RNF4: variants seen among roughly 807,000 people sequenced by gnomAD.
RNF4 encodes E3 ubiquitin-protein ligase RNF4.
Under a neutral mutation model 24.3 loss-of-function variants are expected in RNF4, and 7 were observed. The ratio of observed to expected loss-of-function variants is 0.29; its 90% CI spans 0.16 to 0.54. RNF4 has a LOEUF of 0.54. Ranked by LOEUF, RNF4 falls within the 20% of genes least tolerant of loss-of-function variation. The pLI is 0.95. For missense variants in RNF4, 209 were observed against 248.5 expected (o/e 0.84, Z 1.07); for synonymous variants, 83 against 84.3 (o/e 0.98, Z 0.09).
At chr4:2,470,410 A>T (rs946708496) in intron 1 of RNF4, among the ~76,000 whole-genome samples, 17 of 152,300 alleles carry the variant, frequency 1.1e-4, no homozygotes, top group African/African-American at 3.6e-4. Flanking sequence ...GTTCAGTTTT[A>T]TCTGTGAGTT....
chr4:2,489,184 C>T lies in RNF4; in HGVS notation c.-157-1153C>T, dbSNP rs148055258. 1.9e-3 allele frequency among the ~76,000 whole-genome samples: 282 copies of T among 152,318 alleles called. 1 individual carries two copies. Among genetic ancestry groups the T allele is most frequent in the African/African-American group, 6.5e-3 (269 of 41,572 alleles). ...TAATTGCAGTGCCAGCCTGGCTCCA[C>T]ACACCATGCTTAGGAGTTAGGCCTT... On this transcript the variant is annotated intron_variant, in intron 1 of 7. Transcript: ENST00000314289.
chr4:2,478,611 G>A (rs1189132454), intron 1 of RNF4, among the ~76,000 whole-genome samples: 1 of 152,248 alleles, frequency 6.6e-6, no homozygotes, highest in East Asian at 1.9e-4. Context: ...GAAGGTGCAG[G>A]CCCCAAACCT....
At chr4:2,474,254 T>C (rs1045170639) in intron 1 of RNF4, among the ~76,000 whole-genome samples, 5 of 148,006 alleles carry the variant, frequency 3.4e-5, no homozygotes, top group Admixed American at 6.7e-5. Flanking sequence ...GGCACGCACC[T>C]GTAATCGCAG....
chr4:2,511,868 C>T, intron 4 of RNF4, 88 bp from the exon 5 acceptor site: 4 of 1,355,278 alleles, frequency 3.0e-6, no homozygotes, highest in Middle Eastern at 1.8e-4. Context: ...GAGGGTGTCA[C>T]ACGTCAGAAA....
At position 2,512,361 on chromosome 4, in the gene RNF4, A is replaced by G; in HGVS notation, c.215-77A>G. 2.0e-6 allele frequency: 3 copies of G among 1,507,408 alleles called. No individual in the cohort carries two copies. The highest frequency in any genetic ancestry group is 2.7e-6 in the Non-Finnish European group (3 of 1,107,424). 93.4% of individuals were successfully genotyped at this position (1,507,408 alleles called of 1,614,324 possible). ...CAGGCAGGGAAGGAAGAGGGTCTTA[A>G]GAGGCGTCAGGATGGGAGTGGTGAG... On this transcript the variant is annotated intron_variant, in intron 5 of 7. Transcript: ENST00000314289. This position sits in a 1 kb window ranked among gnomAD's most constrained non-coding sequence, Gnocchi z 4.1.
At chr4:2,476,550 G>A (rs149571779) in intron 1 of RNF4, among the ~76,000 whole-genome samples, 1,674 of 152,068 alleles carry the variant, frequency 0.011, 28 homozygotes, top group African/African-American at 0.039. Flanking sequence ...GTGCCACCAC[G>A]GCTGGCTAAT....
chr4:2,505,362 G>A (rs1273349330), intron 4 of RNF4: 1 of 143,636 alleles, frequency 7.0e-6, no homozygotes, highest in East Asian at 2.0e-4. Flanking sequence ...GTCTCGCTCT[G>A]TTGCCCAAGC....
chr4:2,475,056 C>T (rs1253630886), intron 1 of RNF4, among the ~76,000 whole-genome samples: 2 of 152,166 alleles, frequency 1.3e-5, no homozygotes, highest in Non-Finnish European at 2.9e-5. Flanking sequence ...ACTGTCACAG[C>T]TGCCCCAACC....
chr4:2,471,819 A>C (rs1221326467), intron 1 of RNF4, among the ~76,000 whole-genome samples: 1 of 152,236 alleles, frequency 6.6e-6, no homozygotes, highest in Non-Finnish European at 1.5e-5. Context: ...GTGAAGAGTG[A>C]GGAAGCTGCA....
chr4:2,507,347 A>G (rs1447305715), intron 4 of RNF4, among the ~76,000 whole-genome samples: 4 of 152,206 alleles, frequency 2.6e-5, no homozygotes, highest in Admixed American at 2.6e-4. Flanking sequence ...CAAACATCAT[A>G]TCCAGGAATT....
At chr4:2,469,434 C>T (rs1221969718) in intron 1 of RNF4, 176 bp downstream of exon 1, 1 of 152,212 alleles carries the variant, frequency 6.6e-6, no homozygotes, top group Non-Finnish European at 1.5e-5. Flanking sequence ...CGCACCGAGC[C>T]CGGCTTGGCG....
intron 4 of RNF4, among the ~76,000 whole-genome samples, chr4:2,508,408 G>A (rs1439266905): frequency 6.6e-6 from 1 of 152,112 alleles, no homozygotes; most frequent in African/African-American, 2.4e-5. Flanking sequence ...CACCTGCAGG[G>A]CCATAGCTGT....
At position 2,510,480 on chromosome 4, in the gene RNF4, C is replaced by T. The variant is rs573675988; in HGVS notation, c.205-1476C>T. Among the ~76,000 whole-genome samples the T allele has an allele frequency of 1.0e-3, 155 of 152,332 alleles. 5 individuals are homozygous for T. The South Asian group carries it at 0.03, about 30-fold the overall frequency. Reference sequence around the variant, plus strand: ...GCCTGGGCTCAAGACATAGCAGCCTCTGCCAGAAGTGTTTCTTCAGGATGC... The same window carrying T: ...GCCTGGGCTCAAGACATAGCAGCCTTTGCCAGAAGTGTTTCTTCAGGATGC... On this transcript the variant is annotated intron_variant, in intron 4 of 7. Transcript: ENST00000314289.
At chr4:2,490,552 A>G (rs747526963) in intron 2 of RNF4, 50 bp downstream of exon 2, 84 of 1,573,422 alleles carry the variant, frequency 5.3e-5, no homozygotes, top group Middle Eastern at 3.3e-4. Flanking sequence ...CTAATTAACT[A>G]CCTTATTCCT....
rs71608205 is a variant in RNF4 at position 2,515,176 on chromosome 4, C to T, written c.*1357C>T. On this transcript the variant is annotated 3_prime_UTR_variant, in exon 8 of 8. Transcript: ENST00000314289. Reference sequence around the variant, plus strand: ...CTTTTCGTGTGAAACATCTTCAGGGCGGGAAAGGGGCCACTTCTGGCTTTG... The same window carrying T: ...CTTTTCGTGTGAAACATCTTCAGGGTGGGAAAGGGGCCACTTCTGGCTTTG... 2,166 of 152,740 alleles carry T rather than the reference C, an allele frequency of 0.014. 22 individuals are homozygous for T. Among genetic ancestry groups the T allele is most frequent in the South Asian group, 0.023 (112 of 4,826 alleles). The allele number at this position is 152,740 out of a possible 1,614,324, so 9.5% of individuals were successfully genotyped here.
chr4:2,490,339 C>G lies in RNF4; in HGVS notation c.-155C>G. 1.5e-6 allele frequency: 1 copy of G among 656,678 alleles called. No individual in the cohort carries two copies. Among genetic ancestry groups the G allele is most frequent in the South Asian group, 2.0e-5 (1 of 50,194 alleles). The allele number at this position is 656,678 out of a possible 1,614,324, so 40.7% of individuals were successfully genotyped here. On this transcript the variant is annotated splice_region_variant and 5_prime_UTR_variant, in exon 2 of 8. Transcript: ENST00000314289. Reference sequence around the variant, plus strand: ...AAATTAATATCTTTGTTTTTCAGGACTTGAAAATACTGGAAATCTGTCCGG... The same window carrying G: ...AAATTAATATCTTTGTTTTTCAGGAGTTGAAAATACTGGAAATCTGTCCGG...
Position 2,497,005 on chromosome 4 carries a change from A to G in RNF4, c.10-2A>G. ...GACTCTTCTTTCCCCCTTGCTACTC[A>G]GAGAAAGCGTCGTGGTGGAGCAATA... On this transcript the variant is annotated splice_acceptor_variant, in intron 2 of 7. Transcript: ENST00000314289. LOFTEE classifies it high-confidence loss of function. 6.3e-7 allele frequency: 1 copy of G among 1,593,990 alleles called. No individual in the cohort carries two copies. The highest frequency in any genetic ancestry group is 1.3e-5 in the African/African-American group (1 of 74,612).
At chr4:2,507,349 C>T (rs1313886401) in intron 4 of RNF4, among the ~76,000 whole-genome samples, 2 of 152,186 alleles carry the variant, frequency 1.3e-5, no homozygotes, top group African/African-American at 4.8e-5. Context: ...AACATCATAT[C>T]CAGGAATTAG....
chr4:2,470,143 G>T (rs1444074612), intron 1 of RNF4: 6 of 152,248 alleles, frequency 3.9e-5, no homozygotes, highest in African/African-American at 1.4e-4. Context: ...TGAGCCAGAC[G>T]TAGGGTCTCA....
Sources: allele counts gnomAD v4.1 joint callset (sites outside exome capture counted in the v4.1 genomes callset), GRCh38; gene constraint gnomAD v4.1.1; non-coding constraint Gnocchi (gnomAD v3.1); transcripts MANE v1.5; gene names NCBI Gene and HGNC (gene_info 2026-07-23, HGNC 2026-07-21).